The following TMEM181 variants were observed in gnomAD, a reference collection of about 807,000 sequenced individuals.
TMEM181 encodes the protein G protein-coupled receptor 178.
A neutral mutation model predicts 71.9 loss-of-function variants in TMEM181; 39 were observed. That is an observed-to-expected ratio of 0.54 (90% CI 0.42 to 0.71). The LOEUF (loss-of-function observed/expected upper bound fraction) is 0.71, where lower values mean the gene tolerates loss of function less well. Ranked by LOEUF, TMEM181 falls within the 30% of genes least tolerant of loss-of-function variation. The probability of loss-of-function intolerance (pLI) is 0.00; values close to 1 mark genes in which losing one functional copy is unlikely to be tolerated. For missense variants in TMEM181, 595 were observed against 583.0 expected (o/e 1.02, Z -0.21); for synonymous variants, 245 against 228.8 (o/e 1.07, Z -0.64).
In TMEM181 at chr6:158,589,684, A is replaced by G. The variant is rs1783992592; in HGVS notation, c.394A>G (p.Ile132Val). ...TGTGTATTTGCAGAAATGTGCGGAG[A>G]TTATTGTGGCTCACCTTGGCTACCT... ...TLTCAGKCAE[I>V]IVAHLGYLNY... Residue 132 changes from isoleucine to valine, a missense_variant, in exon 6 of 17, where the codon ATT becomes GTT. Ile to Val is a conservative substitution (Grantham distance 29, BLOSUM62 3). Coordinates refer to ENST00000684151, the MANE Select transcript of TMEM181 (RefSeq NM_001376852.1). The G allele has an allele frequency of 3.7e-6, 6 of 1,613,944 alleles. No homozygotes were observed. Among genetic ancestry groups the G allele is most frequent in the Non-Finnish European group, 2.5e-6 (3 of 1,179,932 alleles).
chr6:158,542,485 C>G (rs2128277962), intron 1 of TMEM181, among the ~76,000 whole-genome samples: 1 of 152,344 alleles, frequency 6.6e-6, no homozygotes, highest in East Asian at 1.9e-4. Flanking sequence ...AGAATTCAAA[C>G]CCAAGTCTGT....
intron 1 of TMEM181, among the ~76,000 whole-genome samples, chr6:158,543,524 T>A (rs1031254308): frequency 6.6e-6 from 1 of 152,206 alleles, no homozygotes; most frequent in Non-Finnish European, 1.5e-5. Context: ...AAGTCCGAAA[T>A]CCAGGTGTTG....
intron 11 of TMEM181, among the ~76,000 whole-genome samples, chr6:158,624,529 C>T (rs963326037): frequency 1.3e-5 from 2 of 152,360 alleles, no homozygotes; most frequent in South Asian, 4.1e-4. Flanking sequence ...CACGGGCCTG[C>T]CCTCCCCATC....
At chr6:158,631,273 G>C (rs1786649924) in intron 15 of TMEM181, 50 bp from the exon 16 acceptor site, 1 of 1,595,982 alleles carries the variant, frequency 6.3e-7, no homozygotes, top group African/African-American at 1.3e-5. Flanking sequence ...TGCCTGTCCA[G>C]GCTCATCACG....
At chr6:158,622,809 A>G (rs1786040050) in intron 10 of TMEM181, among the ~76,000 whole-genome samples, 1 of 151,702 alleles carries the variant, frequency 6.6e-6, no homozygotes, top group South Asian at 2.1e-4. Context: ...TTTCTCCTTT[A>G]GAGAGGGGAG....
At chr6:158,544,182 A>AGAGTGTGTGTGTGT (rs149735409) in intron 1 of TMEM181, among the ~76,000 whole-genome samples, 9 of 127,648 alleles carry the variant, frequency 7.1e-5, no homozygotes, top group African/African-American at 2.1e-4. Context: ...AATTGGAGAG[A>AGAGTGTGTGTGTGT]GTGTGTGTGT....
chr6:158,586,248 G>A (rs1197671035), intron 5 of TMEM181, among the ~76,000 whole-genome samples: 2 of 152,224 alleles, frequency 1.3e-5, no homozygotes, highest in African/African-American at 4.8e-5. Flanking sequence ...ATCCCTGCTA[G>A]AGCGAGGAGT....
intron 4 of TMEM181, 112 bp downstream of exon 4, chr6:158,584,156 G>A: frequency 1.2e-6 from 1 of 827,138 alleles, no homozygotes; most frequent in Non-Finnish European, 1.8e-6. Context: ...AGATGTATAA[G>A]GATGTCCATT....
intron 1 of TMEM181, among the ~76,000 whole-genome samples, chr6:158,561,550 GGT>G (rs1361867687): frequency 2.0e-5 from 3 of 152,170 alleles, no homozygotes; most frequent in Non-Finnish European, 4.4e-5. Flanking sequence ...AGGTGGGCTG[GGT>G]GTGCTTTTTC....
rs1389348476 is a variant in TMEM181, at chr6:158,560,169, C to G, written c.-56C>G. The G allele has an allele frequency of 1.0e-6, 1 of 984,696 alleles. No homozygotes were observed. The highest frequency in any genetic ancestry group is 1.1e-4 in the East Asian group (1 of 8,800). The allele number at this position is 984,696 out of a possible 1,614,324, so 61.0% of individuals were successfully genotyped here. Reference sequence around the variant, plus strand: ...GGCTGCCGCTGCCGAGGCTGCTGCGCGGCGCCTGGCGGGCTCGGGACGCGC... The same window carrying G: ...GGCTGCCGCTGCCGAGGCTGCTGCGGGGCGCCTGGCGGGCTCGGGACGCGC... On this transcript the variant is annotated 5_prime_UTR_variant, in exon 1 of 17. Coordinates refer to ENST00000684151, the MANE Select transcript of TMEM181 (RefSeq NM_001376852.1).
At chr6:158,548,024 T>G (rs1352296653) in intron 1 of TMEM181, among the ~76,000 whole-genome samples, 1 of 151,306 alleles carries the variant, frequency 6.6e-6, no homozygotes, top group Non-Finnish European at 1.5e-5. Context: ...ACATGGGGGC[T>G]CCTTCGCCCC....
At chr6:158,593,401 C>A (rs1185111990) in intron 6 of TMEM181, among the ~76,000 whole-genome samples, 2 of 151,968 alleles carry the variant, frequency 1.3e-5, no homozygotes, top group East Asian at 3.8e-4. Flanking sequence ...CCTTTATTTC[C>A]CGTAATGAAT....
chr6:158,605,131 A>AAGTGT (rs757927135), intron 6 of TMEM181, 136 bp from the exon 7 acceptor site: 22 of 159,614 alleles, frequency 1.4e-4, no homozygotes, highest in Middle Eastern at 2.4e-3. Flanking sequence ...AAAAAAAAAA[A>AAGTGT]GTGTGTGTGT....
intron 1 of TMEM181, among the ~76,000 whole-genome samples, chr6:158,563,798 A>G (rs989304883): frequency 9.9e-5 from 15 of 152,274 alleles, no homozygotes; most frequent in African/African-American, 3.1e-4. Flanking sequence ...GAATGTTCAC[A>G]TAATAGCTTT....
At chr6:158,561,486 G>A in intron 1 of TMEM181, among the ~76,000 whole-genome samples, 1 of 152,212 alleles carries the variant, frequency 6.6e-6, no homozygotes. Flanking sequence ...TTGTAGCAGA[G>A]TGACAGCTGC....
chr6:158,589,898 C>A, intron 6 of TMEM181, 116 bp downstream of exon 6: 2 of 757,110 alleles, frequency 2.6e-6, no homozygotes, highest in Non-Finnish European at 4.3e-6. Flanking sequence ...CAGTGGAGGA[C>A]TTGTAAAGTT....
chr6:158,545,190 T>G (rs1438110866), intron 1 of TMEM181, among the ~76,000 whole-genome samples: 4 of 152,250 alleles, frequency 2.6e-5, no homozygotes, highest in Admixed American at 2.6e-4. Context: ...CACCCCGCTT[T>G]CTTCCTTACC....
chr6:158,550,201 G>A (rs1200850613), intron 1 of TMEM181, among the ~76,000 whole-genome samples: 4 of 151,722 alleles, frequency 2.6e-5, no homozygotes, highest in Non-Finnish European at 5.9e-5. Context: ...CAACAAGGGA[G>A]CTTTGAAGGG....
At chr6:158,605,373 G>A (rs753699887) in intron 7 of TMEM181, 26 bp downstream of exon 7, 6 of 1,603,926 alleles carry the variant, frequency 3.7e-6, no homozygotes, top group East Asian at 2.2e-5. Flanking sequence ...CTGATGGACC[G>A]CAGCAGATCC....
Sources: gnomAD v4.1 joint callset for allele counts (sites outside exome capture counted in the v4.1 genomes callset) on GRCh38, gnomAD v4.1.1 for gene constraint, MANE v1.5 for transcripts, NCBI Gene and HGNC (gene_info 2026-07-23, HGNC 2026-07-21) for gene names.